VSNL1: variants seen among roughly 807,000 people sequenced by gnomAD.
VSNL1 encodes visinin like 1.
A neutral mutation model predicts 20.4 loss-of-function variants in VSNL1; 6 were observed. The observed-to-expected ratio is 0.29, with a 90% CI of 0.16 to 0.58. The LOEUF (loss-of-function observed/expected upper bound fraction) is 0.58. Among genes scored for constraint, VSNL1 ranks in the 20% least tolerant of loss-of-function variants. The pLI is 0.90. For synonymous variants in VSNL1, 93 were observed against 86.4 expected (o/e 1.08, Z -0.42); for missense variants, 100 against 234.5 (o/e 0.43, Z 3.75).
At chr2:17,629,701 C>T (rs566410379) in intron 2 of VSNL1, among the ~76,000 whole-genome samples, 12 of 152,380 alleles carry the variant, frequency 7.9e-5, no homozygotes, top group Admixed American at 3.3e-4. Context: ...CTCGTCCACT[C>T]GGCCTGCTGT....
At chr2:17,613,370 T>C (rs1295510243) in intron 2 of VSNL1, among the ~76,000 whole-genome samples, 1 of 152,076 alleles carries the variant, frequency 6.6e-6, no homozygotes, top group African/African-American at 2.4e-5. Context: ...CCTGGAAAAA[T>C]ATTTGATGAA....
intron 2 of VSNL1, among the ~76,000 whole-genome samples, chr2:17,596,816 C>G (rs868435430): frequency 3.9e-5 from 6 of 152,130 alleles, no homozygotes; most frequent in Non-Finnish European, 8.8e-5. Context: ...AAATCTCTGC[C>G]AGTTTGAATT....
chr2:17,650,356 C>T lies in VSNL1; in HGVS notation c.378+731C>T, dbSNP rs115226253. Among the ~76,000 whole-genome samples the T allele has an allele frequency of 3.7e-3, 565 of 152,350 alleles. 3 individuals carry two copies. The highest frequency in any genetic ancestry group is 5.9e-3 in the Non-Finnish European group (400 of 68,032). On this transcript the variant is annotated intron_variant, in intron 3 of 3. Coordinates refer to ENST00000295156, the MANE Select transcript of VSNL1 (RefSeq NM_003385.5). ...GAGGGGTTTTGTCCCAACATCTGTC[C>T]CTGCCCCAGATTAACTTGTTGAGTG...
intron 2 of VSNL1, among the ~76,000 whole-genome samples, chr2:17,595,872 C>G (rs1664699362): frequency 6.6e-6 from 1 of 152,138 alleles, no homozygotes; most frequent in South Asian, 2.1e-4. Context: ...TTTGTATTTA[C>G]TTTAGAATCT....
intron 2 of VSNL1, among the ~76,000 whole-genome samples, chr2:17,593,263 A>AGTTC: frequency 6.6e-6 from 1 of 152,198 alleles, no homozygotes; most frequent in African/African-American, 2.4e-5. Context: ...ACAATGGTAA[A>AGTTC]ACTGGGAAAC....
At chr2:17,581,778 C>T (rs1048155567) in intron 1 of VSNL1, among the ~76,000 whole-genome samples, 1 of 152,196 alleles carries the variant, frequency 6.6e-6, no homozygotes, top group Non-Finnish European at 1.5e-5. Flanking sequence ...TCTCTTATCG[C>T]TCAACTGATA....
At chr2:17,653,441 T>G (rs981451598) in intron 3 of VSNL1, among the ~76,000 whole-genome samples, 2 of 152,216 alleles carry the variant, frequency 1.3e-5, no homozygotes, top group East Asian at 3.8e-4. Flanking sequence ...GTACGGGCCA[T>G]TTGTCTCTTT....
At chr2:17,607,653 A>G (rs549433607) in intron 2 of VSNL1, among the ~76,000 whole-genome samples, 3 of 152,288 alleles carry the variant, frequency 2.0e-5, no homozygotes, top group African/African-American at 7.2e-5. Context: ...CATTGTGGCT[A>G]TTTTTTTGTC....
chr2:17,614,362 C>A (rs1437120623), intron 2 of VSNL1, among the ~76,000 whole-genome samples: 2 of 152,230 alleles, frequency 1.3e-5, no homozygotes, highest in African/African-American at 2.4e-5. Flanking sequence ...AACTTCCAAG[C>A]CCTTAGCACC....
chr2:17,549,615 C>T (rs930028516), intron 1 of VSNL1, among the ~76,000 whole-genome samples: 1 of 152,104 alleles, frequency 6.6e-6, no homozygotes, highest in African/African-American at 2.4e-5. Context: ...TACCTATCAG[C>T]GTTTTGGAAA....
chr2:17,567,380 AAGGAGTCTGCCTCT>A, intron 1 of VSNL1: 1 of 43,122 alleles, frequency 2.3e-5, no homozygotes, highest in South Asian at 9.9e-4. Flanking sequence ...TTTTTTTTAG[AAGGAGTCTGCCTCT>A]GTCGCCCAGG....
At position 17,574,471 on chromosome 2, in the gene VSNL1, ATCTT is replaced by A. The variant is rs147289477; in HGVS notation, c.-5-17594_-5-17591del. ...AGTCACCAATTTAACTCTTGCCTTC[ATCTT>A]TCTTATTCAGATTTTAGCTAATATT... is the stretch of plus-strand genomic sequence containing the variant. On this transcript the variant is annotated intron_variant, in intron 1 of 3. Transcript: ENST00000295156. Among the ~76,000 whole-genome samples the A allele has an allele frequency of 9.9e-3, 1,512 of 152,194 alleles. 17 individuals are homozygous for A. The highest frequency in any genetic ancestry group is 0.033 in the African/African-American group (1,374 of 41,518).
chr2:17,618,224 TAC>T (rs1221348035), intron 2 of VSNL1, among the ~76,000 whole-genome samples: 2 of 152,202 alleles, frequency 1.3e-5, no homozygotes, highest in Non-Finnish European at 2.9e-5. Flanking sequence ...TGTATTATCT[TAC>T]ACTTTTGGGG....
chr2:17,591,305 T>C (rs919070783), intron 1 of VSNL1, among the ~76,000 whole-genome samples: 1 of 152,230 alleles, frequency 6.6e-6, no homozygotes, highest in African/African-American at 2.4e-5. Flanking sequence ...CCTGCTGTGA[T>C]GTTGGCCACA....
intron 1 of VSNL1, among the ~76,000 whole-genome samples, chr2:17,549,829 T>C (rs1401523782): frequency 6.6e-6 from 1 of 152,234 alleles, no homozygotes; most frequent in Non-Finnish European, 1.5e-5. Flanking sequence ...TATGTGAAAA[T>C]ATACTTATCA....
intron 2 of VSNL1, among the ~76,000 whole-genome samples, chr2:17,633,071 C>T (rs1032938537): frequency 6.6e-6 from 1 of 152,138 alleles, no homozygotes; most frequent in African/African-American, 2.4e-5. Flanking sequence ...ACTCACAGTG[C>T]CACATGGCTA....
At chr2:17,633,770 G>A (rs1665690957) in intron 2 of VSNL1, among the ~76,000 whole-genome samples, 1 of 152,128 alleles carries the variant, frequency 6.6e-6, no homozygotes, top group South Asian at 2.1e-4. Context: ...TATTGTCATT[G>A]CTCAGAGGGG....
chr2:17,606,109 C>T (rs1241298688), intron 2 of VSNL1, among the ~76,000 whole-genome samples: 1 of 152,162 alleles, frequency 6.6e-6, no homozygotes, highest in Non-Finnish European at 1.5e-5. Context: ...GCATTGAAAC[C>T]CAGCAGTTGG....
At chr2:17,625,538 A>C (rs761408491) in intron 2 of VSNL1, among the ~76,000 whole-genome samples, 4 of 152,226 alleles carry the variant, frequency 2.6e-5, no homozygotes, top group Admixed American at 6.5e-5. Flanking sequence ...ATTGGTTATC[A>C]GAACAGACTC....
Sources: gnomAD v4.1 joint callset for allele counts (sites outside exome capture counted in the v4.1 genomes callset) on GRCh38, gnomAD v4.1.1 for gene constraint, MANE v1.5 for transcripts, NCBI Gene and HGNC (gene_info 2026-07-23, HGNC 2026-07-21) for gene names.